The following ACYP2 variants were observed in gnomAD, a reference collection of about 807,000 sequenced individuals.
ACYP2 encodes the protein acylphosphatase-2.
In ACYP2, 12 loss-of-function variants were observed where a neutral mutation model predicts 11.2. The ratio of observed to expected loss-of-function variants is 1.08; its 90% CI spans 0.69 to 1.74. The LOEUF (loss-of-function observed/expected upper bound fraction) is 1.74, where lower values mean the gene tolerates loss of function less well. ACYP2 is among the 40% of genes most tolerant of loss of function. The pLI is 0.00. For missense variants in ACYP2, 134 were observed against 101.9 expected, an observed-to-expected ratio of 1.31 and a Z score of -1.35; for synonymous variants, 43 against 32.2, an observed-to-expected ratio of 1.33 and a Z score of -1.13.
At chr2:54,251,284 G>C (rs1238430882) in intron 6 of ACYP2, among the ~76,000 whole-genome samples, 1 of 152,026 alleles carries the variant, frequency 6.6e-6, no homozygotes. Flanking sequence ...ATCAATTCAT[G>C]GTTTACCCAA....
intron 6 of ACYP2, among the ~76,000 whole-genome samples, chr2:54,277,598 T>A (rs843750): frequency 0.71 from 107,699 of 151,884 alleles, 38,790 homozygotes; most frequent in African/African-American, 0.83. Flanking sequence ...GAATCTGTTG[T>A]ACTTGGGAGG....
chr2:54,029,903 C>T (rs183754879), intron 2 of ACYP2: 139 of 257,220 alleles, frequency 5.4e-4, no homozygotes, highest in African/African-American at 2.8e-3. Context: ...GCTGTGTTTT[C>T]TCGAGGCCCG....
intron 2 of ACYP2, among the ~76,000 whole-genome samples, chr2:54,016,153 T>A (rs1365471985): frequency 2.0e-5 from 3 of 151,998 alleles, no homozygotes; most frequent in Non-Finnish European, 2.9e-5. Flanking sequence ...TGTATGCTCA[T>A]GGTCTTTGCT....
At chr2:54,248,359 C>T (rs1027340234) in intron 6 of ACYP2, among the ~76,000 whole-genome samples, 7 of 152,142 alleles carry the variant, frequency 4.6e-5, no homozygotes, top group African/African-American at 9.7e-5. Context: ...AAAAGACATA[C>T]GATTCCTACT....
rs563314096 is a variant in ACYP2 at position 54,150,960 on chromosome 2, C to G, written c.404+12212C>G. On this transcript the variant is annotated intron_variant, in intron 6 of 6. Coordinates refer to ENST00000607452, the MANE Select transcript of ACYP2 (RefSeq NM_001320586.2). Reference sequence around the variant, plus strand: ...GTTTCACTGTTTTAGCCAGGATGGTCTCGATCTCCTGACCTCGTGATCCGC... The same window carrying G: ...GTTTCACTGTTTTAGCCAGGATGGTGTCGATCTCCTGACCTCGTGATCCGC... Among the ~76,000 whole-genome samples, 3 of 151,890 alleles carry G rather than the reference C, an allele frequency of 2.0e-5. No individual in the cohort carries two copies. In the South Asian group the frequency reaches 6.3e-4, roughly 32 times the overall value.
chr2:54,103,864 G>A (rs908453645), intron 4 of ACYP2, among the ~76,000 whole-genome samples: 6 of 152,334 alleles, frequency 3.9e-5, no homozygotes, highest in Non-Finnish European at 4.4e-5. Context: ...AAATAGAGCA[G>A]AATAAGCCCC....
intron 1 of ACYP2, among the ~76,000 whole-genome samples, chr2:53,972,201 T>C (rs1320622017): frequency 6.7e-6 from 1 of 149,930 alleles, no homozygotes; most frequent in Non-Finnish European, 1.5e-5. Context: ...TCCCAGCTAC[T>C]CGGGAGGCTG....
chr2:54,226,185 T>C (rs942519597), intron 6 of ACYP2, among the ~76,000 whole-genome samples: 3 of 152,170 alleles, frequency 2.0e-5, no homozygotes, highest in African/African-American at 7.2e-5. Flanking sequence ...ATTTACATGA[T>C]GTAGTGGATG....
intron 2 of ACYP2, among the ~76,000 whole-genome samples, chr2:54,027,677 A>G (rs746953304): frequency 6.6e-6 from 1 of 152,048 alleles, no homozygotes. Flanking sequence ...ACATCTTGGT[A>G]TATTTGTTAT....
intron 2 of ACYP2, among the ~76,000 whole-genome samples, chr2:53,997,478 G>T (rs1413893932): frequency 6.6e-6 from 1 of 151,994 alleles, no homozygotes; most frequent in Non-Finnish European, 1.5e-5. Context: ...GCTAATTTTT[G>T]TATTTTTAGT....
At chr2:54,277,351 AACAC>A (rs1369474144) in intron 6 of ACYP2, among the ~76,000 whole-genome samples, 3 of 152,160 alleles carry the variant, frequency 2.0e-5, no homozygotes, top group Non-Finnish European at 2.9e-5. Flanking sequence ...CATTTATATA[AACAC>A]ACACAAATCC....
chr2:53,997,224 A>G (rs1672614029), intron 2 of ACYP2, among the ~76,000 whole-genome samples: 1 of 152,184 alleles, frequency 6.6e-6, no homozygotes, highest in African/African-American at 2.4e-5. Context: ...TAGGTATACT[A>G]TAGTACAGTA....
chr2:54,215,465 G>T (rs974424264), intron 6 of ACYP2, among the ~76,000 whole-genome samples: 2 of 152,050 alleles, frequency 1.3e-5, no homozygotes, highest in Non-Finnish European at 2.9e-5. Context: ...TTTATCAAAA[G>T]AACTTAAAAA....
chr2:54,021,449 C>A (rs1674004252), intron 2 of ACYP2, among the ~76,000 whole-genome samples: 1 of 152,194 alleles, frequency 6.6e-6, no homozygotes, highest in Admixed American at 6.5e-5. Flanking sequence ...TTGTACTTAA[C>A]AATTTACAGT....
intron 6 of ACYP2, among the ~76,000 whole-genome samples, chr2:54,249,507 C>G (rs1236412957): frequency 6.6e-6 from 1 of 151,702 alleles, no homozygotes; most frequent in Non-Finnish European, 1.5e-5. Flanking sequence ...TTTACATGCT[C>G]TGGCCATGGC....
chr2:54,017,989 T>C (rs185894091), intron 2 of ACYP2, among the ~76,000 whole-genome samples: 28 of 152,260 alleles, frequency 1.8e-4, no homozygotes, highest in Non-Finnish European at 3.5e-4. Context: ...TGTGAGCCAC[T>C]GCACCTGGCC....
intron 6 of ACYP2, among the ~76,000 whole-genome samples, chr2:54,269,474 C>G (rs1220041818): frequency 6.6e-6 from 1 of 152,200 alleles, no homozygotes; most frequent in Non-Finnish European, 1.5e-5. Flanking sequence ...ACTGATGACA[C>G]TGATATCCCA....
intron 2 of ACYP2, among the ~76,000 whole-genome samples, chr2:54,019,066 A>T (rs1297724924): frequency 6.7e-6 from 1 of 148,666 alleles, no homozygotes; most frequent in African/African-American, 2.5e-5. Flanking sequence ...TATTATTATT[A>T]TTATGTTTTT....
At chr2:54,135,354 G>A in intron 4 of ACYP2, 99 bp from the exon 2 acceptor site, 2 of 1,088,804 alleles carry the variant, frequency 1.8e-6, no homozygotes, top group South Asian at 2.9e-5. Flanking sequence ...GTGAAACCAA[G>A]GATAAATGGG....
Sources: gnomAD v4.1 joint callset for allele counts (sites outside exome capture counted in the v4.1 genomes callset) on GRCh38, gnomAD v4.1.1 for gene constraint, MANE v1.5 for transcripts, NCBI Gene and HGNC (gene_info 2026-07-23, HGNC 2026-07-21) for gene names.